KLF12: variants seen among roughly 807,000 people sequenced by gnomAD.
The protein encoded by KLF12 is Krueppel-like factor 12.
In KLF12, 9 loss-of-function variants were observed where a neutral mutation model predicts 37.8. The observed-to-expected ratio is 0.24, with a 90% CI of 0.14 to 0.42. The LOEUF is 0.42. KLF12 is among the 10% of genes least tolerant of loss of function. The probability of loss-of-function intolerance (pLI) is 1.00; values close to 1 mark genes in which losing one functional copy is unlikely to be tolerated. For missense variants in KLF12, 411 were observed against 516.0 expected (o/e 0.80, Z 1.97); for synonymous variants, 208 against 202.1 (o/e 1.03, Z -0.25).
Position 74,015,792 on chromosome 13 carries a change from C to T in KLF12, c.-31-20739G>A, listed in dbSNP as rs374982556. Among the ~76,000 whole-genome samples, 15 of 152,232 alleles carry T rather than the reference C, an allele frequency of 9.9e-5. No individual in the cohort carries two copies. The East Asian group carries it at 1.5e-3, about 16-fold the overall frequency. On this transcript the variant is annotated intron_variant, in intron 1 of 7. Transcript: ENST00000377669. ...TAGGTCTTAAACTCTGAGACTATTA[C>T]GGGACTCACTTATGCTTTCATTGGA...
At chr13:73,883,384 T>G (rs1006119694) in intron 3 of KLF12, among the ~76,000 whole-genome samples, 9 of 152,168 alleles carry the variant, frequency 5.9e-5, no homozygotes, top group Non-Finnish European at 1.5e-5. Flanking sequence ...TAAATGTCCT[T>G]GCCAAACTGG....
intron 3 of KLF12, among the ~76,000 whole-genome samples, chr13:73,861,907 T>G (rs969709412): frequency 6.6e-6 from 1 of 152,162 alleles, no homozygotes; most frequent in East Asian, 1.9e-4. Context: ...TGACAGAATA[T>G]GTAGAAAAAT....
chr13:73,959,908 G>A (rs928796581), intron 2 of KLF12, among the ~76,000 whole-genome samples: 5 of 152,052 alleles, frequency 3.3e-5, no homozygotes, highest in Non-Finnish European at 5.9e-5. Flanking sequence ...TTAAAATTGC[G>A]GGATCAACAG....
chr13:73,701,929 A>G (rs542076578), intron 7 of KLF12, among the ~76,000 whole-genome samples: 44 of 152,312 alleles, frequency 2.9e-4, no homozygotes, highest in African/African-American at 9.9e-4. Context: ...ACTTCTGAAA[A>G]AGAAACGTGT....
At chr13:73,874,077 G>A (rs1886594818) in intron 3 of KLF12, among the ~76,000 whole-genome samples, 1 of 152,204 alleles carries the variant, frequency 6.6e-6, no homozygotes, top group South Asian at 2.1e-4. Context: ...GAATTCTGAT[G>A]AGGTCAAATG....
At chr13:73,948,578 G>A (rs1336074812) in intron 2 of KLF12, among the ~76,000 whole-genome samples, 3 of 152,140 alleles carry the variant, frequency 2.0e-5, no homozygotes, top group Admixed American at 6.5e-5. Context: ...AACATCCTGT[G>A]GGTACCTCTT....
At chr13:73,835,344 C>A (rs1884375734) in intron 4 of KLF12, among the ~76,000 whole-genome samples, 1 of 151,898 alleles carries the variant, frequency 6.6e-6, no homozygotes, top group Non-Finnish European at 1.5e-5. Flanking sequence ...CACTAGATGG[C>A]AATAAAAAGA....
chr13:73,903,800 C>A (rs1298996443), intron 3 of KLF12, among the ~76,000 whole-genome samples: 1 of 152,204 alleles, frequency 6.6e-6, no homozygotes, highest in African/African-American at 2.4e-5. Context: ...CACCACCTGC[C>A]AGCTCAGCTG....
chr13:74,245,710 T>C, the KLF12 span, among the ~76,000 whole-genome samples: 29 of 152,278 alleles, frequency 1.9e-4, no homozygotes, highest in Non-Finnish European at 4.0e-4. Context: ...GAACCTTGTA[T>C]CCACTGTGGA....
At chr13:73,976,582 T>C (rs1004559243) in intron 2 of KLF12, among the ~76,000 whole-genome samples, 1 of 152,198 alleles carries the variant, frequency 6.6e-6, no homozygotes, top group African/African-American at 2.4e-5. Flanking sequence ...CCATTTTCTA[T>C]ATAGAAGCCC....
chr13:74,119,730 C>T (rs189665951), intron 1 of KLF12, among the ~76,000 whole-genome samples: 27 of 151,964 alleles, frequency 1.8e-4, no homozygotes, highest in East Asian at 1.5e-3. Context: ...TAGTCTAATG[C>T]GCTTGTCAAC....
At chr13:73,885,660 T>C (rs1197092710) in intron 3 of KLF12, among the ~76,000 whole-genome samples, 1 of 152,168 alleles carries the variant, frequency 6.6e-6, no homozygotes, top group Admixed American at 6.5e-5. Context: ...AAAAGAGAAT[T>C]CTAGGAACAG....
intron 1 of KLF12, among the ~76,000 whole-genome samples, chr13:74,081,614 G>C (rs1874892357): frequency 6.6e-6 from 1 of 152,070 alleles, no homozygotes; most frequent in South Asian, 2.1e-4. Context: ...ATCATCCTAG[G>C]CACTAGAATA....
chr13:73,980,821 T>C (rs1379315202), intron 2 of KLF12, among the ~76,000 whole-genome samples: 3 of 152,158 alleles, frequency 2.0e-5, no homozygotes, highest in African/African-American at 7.2e-5. Flanking sequence ...ACACCCACAG[T>C]TAGTACGGAC....
At chr13:73,780,988 G>T (rs191081716) in intron 5 of KLF12, among the ~76,000 whole-genome samples, 222 of 152,272 alleles carry the variant, frequency 1.5e-3, no homozygotes, top group Middle Eastern at 6.8e-3. Flanking sequence ...TTCATGAAAG[G>T]CAGTCTCCAT....
chr13:74,031,256 T>C (rs1893104094), intron 1 of KLF12, among the ~76,000 whole-genome samples: 1 of 152,188 alleles, frequency 6.6e-6, no homozygotes, highest in South Asian at 2.1e-4. Context: ...AATTCATTCA[T>C]GCAATTTCTT....
intron 3 of KLF12, among the ~76,000 whole-genome samples, chr13:73,912,291 C>T (rs1187148611): frequency 6.6e-6 from 1 of 152,164 alleles, no homozygotes; most frequent in Non-Finnish European, 1.5e-5. Context: ...TAAACTTAAA[C>T]ACTCTTTTGT....
At chr13:73,917,924 G>A (rs917392217) in intron 3 of KLF12, among the ~76,000 whole-genome samples, 2 of 150,176 alleles carry the variant, frequency 1.3e-5, no homozygotes, top group East Asian at 3.9e-4. Flanking sequence ...TGAAGACACA[G>A]TGAGAAATGA....
chr13:74,183,679 T>C, the KLF12 span, among the ~76,000 whole-genome samples: 8 of 152,212 alleles, frequency 5.3e-5, no homozygotes, highest in African/African-American at 1.4e-4. Context: ...CTCACTCCTG[T>C]AATCCCAGCA....
Sources: allele counts gnomAD v4.1 joint callset (sites outside exome capture counted in the v4.1 genomes callset), GRCh38; gene constraint gnomAD v4.1.1; transcripts MANE v1.5; gene names NCBI Gene and HGNC (gene_info 2026-07-23, HGNC 2026-07-21).